Variants in ARHGEF3 observed in about 807,000 individuals in gnomAD.
ARHGEF3 encodes the protein 59.8 kDA protein.
In ARHGEF3, 28 loss-of-function variants were observed where a neutral mutation model predicts 63.2. That is an observed-to-expected ratio of 0.44 (90% CI 0.33 to 0.61). The LOEUF (loss-of-function observed/expected upper bound fraction) is 0.61. Among genes scored for constraint, ARHGEF3 ranks in the 20% least tolerant of loss-of-function variants. ARHGEF3 has a pLI of 0.03. For synonymous variants in ARHGEF3, 266 were observed against 254.2 expected (o/e 1.05, Z -0.44); for missense variants, 533 against 659.3 (o/e 0.81, Z 2.10).
At chr3:56,756,680 G>T (rs547048160) in intron 2 of ARHGEF3, among the ~76,000 whole-genome samples, 2 of 151,640 alleles carry the variant, frequency 1.3e-5, no homozygotes, top group East Asian at 3.9e-4. Context: ...CTCCTGAGTA[G>T]CTGGGCCTAC....
Position 56,979,047 on chromosome 3 carries a change from T to C in ARHGEF3, c.63-20158A>G, listed in dbSNP as rs536342091. Among the ~76,000 whole-genome samples, 20 of 152,248 alleles carry C rather than the reference T, an allele frequency of 1.3e-4. No individual in the cohort carries two copies. In the South Asian group the frequency reaches 4.1e-3, roughly 32 times the overall value. ...GGCATGCACCTGTAGTCCCAACTAC[T>C]TGGAAGACTGAGGTGGGAGGATGGC... On this transcript the variant is annotated intron_variant, in intron 2 of 12. Transcript: ENST00000338458.
chr3:56,829,235 C>A (rs1431142150), intron 4 of ARHGEF3, among the ~76,000 whole-genome samples: 1 of 152,128 alleles, frequency 6.6e-6, no homozygotes, highest in African/African-American at 2.4e-5. Flanking sequence ...CTGGGACAGA[C>A]TTTTATATTG....
rs542485012 is a variant in ARHGEF3, at chr3:57,047,524, C to T, written c.-27-12348G>A. ...GTTTCCCCAACTAGAAAGCAGGGGT[C>T]GTAATGGTGTCCATCTCATGGGACT... On this transcript the variant is annotated intron_variant, in intron 1 of 12. Coordinates refer to the ARHGEF3 transcript ENST00000338458. Among the ~76,000 whole-genome samples the T allele has an allele frequency of 4.7e-4, 72 of 152,260 alleles. 1 individual carries two copies. Among genetic ancestry groups the T allele is most frequent in the African/African-American group, 1.6e-3 (65 of 41,550 alleles).
chr3:56,942,290 A>G (rs1699226442), intron 3 of ARHGEF3, among the ~76,000 whole-genome samples: 1 of 152,232 alleles, frequency 6.6e-6, no homozygotes, highest in Non-Finnish European at 1.5e-5. Context: ...TTCCAACAGT[A>G]TGTGCTCAAT....
At chr3:57,019,433 T>C (rs969729973) in intron 2 of ARHGEF3, among the ~76,000 whole-genome samples, 1 of 150,470 alleles carries the variant, frequency 6.6e-6, no homozygotes, top group African/African-American at 2.5e-5. Context: ...AGGGAGGAGA[T>C]GAGGAGGGGA....
At chr3:56,899,579 T>A (rs1460120101) in intron 3 of ARHGEF3, among the ~76,000 whole-genome samples, 1 of 152,242 alleles carries the variant, frequency 6.6e-6, no homozygotes, top group Non-Finnish European at 1.5e-5. Flanking sequence ...CATAGTAATA[T>A]AAACTTTCCA....
rs187456259 is a variant in ARHGEF3 at position 56,734,962 on chromosome 3, G to A, written c.1041+2223C>T. Among the ~76,000 whole-genome samples, 12 of 152,166 alleles carry A rather than the reference G, an allele frequency of 7.9e-5. 1 individual carries two copies. Among genetic ancestry groups the A allele is most frequent in the Admixed American group, 3.3e-4 (5 of 15,270 alleles). On this transcript the variant is annotated intron_variant, in intron 8 of 9. Coordinates refer to ENST00000296315, the MANE Select transcript of ARHGEF3 (RefSeq NM_019555.3). ...CTTCAATCAATCTTCTAGCCAAGGTGGGCTGAGATTGTCTGGGCAACCTTT... is the reference window on the plus strand; with the variant it reads ...CTTCAATCAATCTTCTAGCCAAGGTAGGCTGAGATTGTCTGGGCAACCTTT...
intron 4 of ARHGEF3, among the ~76,000 whole-genome samples, chr3:56,862,838 T>C (rs1398531133): frequency 6.6e-6 from 1 of 152,164 alleles, no homozygotes; most frequent in Non-Finnish European, 1.5e-5. Context: ...TCCCCTAGCT[T>C]TTTCCACTTC....
intron 4 of ARHGEF3, among the ~76,000 whole-genome samples, chr3:56,872,703 TTTCACCATGTTGGCCAGGC>T (rs2040469302): frequency 1.3e-5 from 2 of 152,046 alleles, no homozygotes; most frequent in African/African-American, 4.8e-5. Flanking sequence ...AAAGACAGAG[TTTCACCATGTTGGCCAGGC>T]TGGTCTCGAA....
intron 4 of ARHGEF3, among the ~76,000 whole-genome samples, chr3:56,869,372 C>T (rs534092095): frequency 1.3e-5 from 2 of 152,328 alleles, no homozygotes; most frequent in East Asian, 3.9e-4. Context: ...CCTGCTCATA[C>T]TGAGTCAGCT....
intron 2 of ARHGEF3, among the ~76,000 whole-genome samples, chr3:56,969,340 C>A (rs566386397): frequency 8.0e-6 from 1 of 124,730 alleles, no homozygotes; most frequent in African/African-American, 2.8e-5. Context: ...AACGCTTGTT[C>A]AGTTCATTTG....
chr3:56,923,073 T>TATATATAA (rs2042190895), intron 3 of ARHGEF3, among the ~76,000 whole-genome samples: 1 of 95,612 alleles, frequency 1.0e-5, no homozygotes, highest in African/African-American at 3.7e-5. Flanking sequence ...TATATATATA[T>TATATATAA]ATAAATTAGT....
intron 1 of ARHGEF3, among the ~76,000 whole-genome samples, chr3:57,067,474 A>G (rs1202895300): frequency 6.8e-6 from 1 of 148,090 alleles, no homozygotes; most frequent in Admixed American, 6.8e-5. Flanking sequence ...AATAATAATA[A>G]TAATAATAAT....
chr3:56,849,537 G>A (rs778596578), intron 4 of ARHGEF3, among the ~76,000 whole-genome samples: 1 of 151,976 alleles, frequency 6.6e-6, no homozygotes, highest in Non-Finnish European at 1.5e-5. Flanking sequence ...GAAAATACAC[G>A]CTAAGTCCAC....
intron 2 of ARHGEF3, among the ~76,000 whole-genome samples, chr3:57,020,217 TTCAGGTAG>T (rs1304031282): frequency 1.3e-5 from 2 of 152,150 alleles, no homozygotes; most frequent in Non-Finnish European, 2.9e-5. Context: ...AGCCTGAAAC[TTCAGGTAG>T]GGACTTAAAA....
At chr3:56,795,052 A>G (rs2037280074) in intron 1 of ARHGEF3, among the ~76,000 whole-genome samples, 1 of 145,672 alleles carries the variant, frequency 6.9e-6, no homozygotes, top group African/African-American at 2.5e-5. Context: ...TTTTTTAGAG[A>G]TGGGGTCTCG....
intron 4 of ARHGEF3, among the ~76,000 whole-genome samples, chr3:56,825,151 T>A (rs1282504411): frequency 6.6e-6 from 1 of 152,218 alleles, no homozygotes; most frequent in Non-Finnish European, 1.5e-5. Flanking sequence ...ACCTCCCTCA[T>A]AGGGCTATTG....
chr3:56,781,203 G>A (rs1193852060), intron 1 of ARHGEF3, among the ~76,000 whole-genome samples: 2 of 151,840 alleles, frequency 1.3e-5, no homozygotes, highest in Non-Finnish European at 2.9e-5. Flanking sequence ...TCCTCTGCAG[G>A]TTTCAGAGGG....
rs79882942 is a variant in ARHGEF3, at chr3:56,879,392, C to T, written c.192+2900G>A. On this transcript the variant is annotated intron_variant, in intron 4 of 12. Coordinates refer to the ARHGEF3 transcript ENST00000338458. ...TTCTTTAAAAGAGGTATACATTAGG[C>T]GAGTTCACTGTTTTGTTTTTTAACC... Among the ~76,000 whole-genome samples, 1,166 of 152,218 alleles carry T rather than the reference C, an allele frequency of 7.7e-3. 10 individuals are homozygous for T. Among genetic ancestry groups the T allele is most frequent in the Non-Finnish European group, 0.012 (842 of 68,010 alleles).
Sources: gnomAD v4.1 joint callset for allele counts (sites outside exome capture counted in the v4.1 genomes callset) on GRCh38, gnomAD v4.1.1 for gene constraint, MANE v1.5 for transcripts, NCBI Gene and HGNC (gene_info 2026-07-23, HGNC 2026-07-21) for gene names.